Variants in SF3B1 observed in about 807,000 individuals in gnomAD.
SF3B1 encodes the protein splicing factor 3b subunit 1.
In SF3B1, 12 loss-of-function variants were observed where a neutral mutation model predicts 153.8. That is an observed-to-expected ratio of 0.08 (90% CI 0.05 to 0.13). The LOEUF (loss-of-function observed/expected upper bound fraction) is 0.13. SF3B1 is among the 10% of genes least tolerant of loss of function. The pLI, the probability that SF3B1 is intolerant of heterozygous loss-of-function variation, is 1.00. For missense variants in SF3B1, 513 were observed against 1,606.1 expected, an observed-to-expected ratio of 0.32 and a Z score of 11.63; for synonymous variants, 498 against 525.2, an observed-to-expected ratio of 0.95 and a Z score of 0.71.
chr2:197,433,086 G>A (rs1419141965), intron 1 of SF3B1, among the ~76,000 whole-genome samples: 2 of 152,162 alleles, frequency 1.3e-5, no homozygotes, highest in Non-Finnish European at 2.9e-5. Flanking sequence ...CTTAACAAGA[G>A]AAAACAGTGA....
At chr2:197,393,545 C>T (rs7583001) in intron 23 of SF3B1, among the ~76,000 whole-genome samples, 3,426 of 151,854 alleles carry the variant, frequency 0.023, 119 homozygotes, top group African/African-American at 0.08. Flanking sequence ...CTCTGCCTCC[C>T]AGGTTCAAGC....
chr2:197,424,665 G>A (rs879153966), intron 1 of SF3B1, among the ~76,000 whole-genome samples: 5 of 152,092 alleles, frequency 3.3e-5, no homozygotes, highest in Admixed American at 2.0e-4. Context: ...TTTAAATACA[G>A]ACTAGTCTTC....
chr2:197,426,636 A>G (rs1000470217), intron 1 of SF3B1, among the ~76,000 whole-genome samples: 1 of 152,172 alleles, frequency 6.6e-6, no homozygotes, highest in African/African-American at 2.4e-5. Flanking sequence ...ACCACCTACA[A>G]AGAAATGACC....
At chr2:197,434,654 C>T (rs1448920007) in intron 1 of SF3B1, among the ~76,000 whole-genome samples, 1 of 152,226 alleles carries the variant, frequency 6.6e-6, no homozygotes, top group Admixed American at 6.5e-5. Context: ...CTTCTCCCCA[C>T]GCCCGCTTCC....
At chr2:197,423,741 A>G in intron 2 of SF3B1, 67 bp downstream of exon 2, 4 of 1,514,072 alleles carry the variant, frequency 2.6e-6, no homozygotes, top group East Asian at 2.3e-5. Flanking sequence ...TGGCTGCAAC[A>G]AAAGTTATTC....
intron 1 of SF3B1, among the ~76,000 whole-genome samples, chr2:197,424,967 C>T (rs1314326937): frequency 6.6e-6 from 1 of 152,060 alleles, no homozygotes; most frequent in African/African-American, 2.4e-5. Context: ...CGAGACCAGC[C>T]TAGCCAAGAT....
chr2:197,417,575 T>TG (rs747669486), intron 5 of SF3B1, among the ~76,000 whole-genome samples: 2 of 99,828 alleles, frequency 2.0e-5, no homozygotes, highest in African/African-American at 7.9e-5. Flanking sequence ...CCACCTCTAC[T>TG]AAAAAAAAAA....
intron 20 of SF3B1, among the ~76,000 whole-genome samples, chr2:197,399,716 T>C (rs2084918236): frequency 6.6e-6 from 1 of 152,178 alleles, no homozygotes. Flanking sequence ...TAGGATTGCC[T>C]TTTCACCCCG....
At chr2:197,392,931 A>AG (rs746393206) in intron 24 of SF3B1, 41 bp downstream of exon 24, 20 of 1,253,380 alleles carry the variant, frequency 1.6e-5, no homozygotes, top group Non-Finnish European at 2.1e-5. Flanking sequence ...TATTATTTAA[A>AG]AAAAAAAAAT....
chr2:197,413,918 T>A (rs546840432), intron 6 of SF3B1, among the ~76,000 whole-genome samples: 2 of 152,194 alleles, frequency 1.3e-5, no homozygotes, highest in Non-Finnish European at 2.9e-5. Flanking sequence ...GTGATTCTCC[T>A]GCCTCAGCCT....
At chr2:197,425,391 G>A (rs1403133049) in intron 1 of SF3B1, among the ~76,000 whole-genome samples, 1 of 152,134 alleles carries the variant, frequency 6.6e-6, no homozygotes, top group Non-Finnish European at 1.5e-5. Flanking sequence ...ACATGAACCC[G>A]GAAGGTGGAG....
In SF3B1 at chr2:197,392,959, A is replaced by G. The variant is rs78290057; in HGVS notation, c.3756+13T>C. 139 of 1,507,786 alleles carry G rather than the reference A, an allele frequency of 9.2e-5. No individual in the cohort carries two copies. Among genetic ancestry groups the G allele is most frequent in the Middle Eastern group, 3.5e-4 (2 of 5,720 alleles). 93.4% of individuals were successfully genotyped at this position (1,507,786 alleles called of 1,614,324 possible). A position where few individuals can be genotyped will look rare whatever the true frequency, so the allele number is the denominator to read the frequency against. Reference sequence around the variant, plus strand: ...AAAAAAATCACCGATTAAAAAAAAAATCTTTAACTTACCTGTAAACAATAT... The same window carrying G: ...AAAAAAATCACCGATTAAAAAAAAAGTCTTTAACTTACCTGTAAACAATAT... On this transcript the variant is annotated intron_variant, in intron 24 of 24. Coordinates refer to ENST00000335508, the MANE Select transcript of SF3B1 (RefSeq NM_012433.4).
At position 197,390,479 on chromosome 2, in the gene SF3B1, A is replaced by G. The variant is rs2084797792; in HGVS notation, c.*1824T>C. ...CCGCTGAAAACTTCTAACAACAGAA[A>G]GATGAGTTTGGAGTGTTTAATTTTA... On this transcript the variant is annotated 3_prime_UTR_variant, in exon 25 of 25. Transcript: ENST00000335508. The G allele has an allele frequency of 6.6e-6, 1 of 152,254 alleles. No homozygotes were observed. The allele number at this position is 152,254 out of a possible 1,614,324, so 9.4% of individuals were successfully genotyped here.
Position 197,392,091 on chromosome 2 carries a change from T to C in SF3B1, c.*212A>G, listed in dbSNP as rs1222109367. On this transcript the variant is annotated 3_prime_UTR_variant, in exon 25 of 25. Coordinates refer to ENST00000335508, the MANE Select transcript of SF3B1 (RefSeq NM_012433.4). The stretch of plus-strand genomic sequence containing the variant: ...AATGAAATCCCTCCAGTATAGTGTA[T>C]ATAATCACTGTGTTCTTGGTCACTA... 2.8e-6 allele frequency: 1 copy of C among 363,594 alleles called. No homozygotes were observed. The highest frequency in any genetic ancestry group is 2.1e-5 in the African/African-American group (1 of 48,162). 22.5% of individuals were successfully genotyped at this position (363,594 alleles called of 1,614,324 possible).
intron 21 of SF3B1, 82 bp from the exon 22 acceptor site, chr2:197,398,198 C>A: frequency 8.9e-7 from 1 of 1,127,098 alleles, no homozygotes; most frequent in Non-Finnish European, 1.3e-6. Flanking sequence ...GTTCTAAAAA[C>A]ATGATTAACT....
intron 6 of SF3B1, among the ~76,000 whole-genome samples, chr2:197,410,622 C>A (rs1176548515): frequency 1.3e-5 from 2 of 150,922 alleles, no homozygotes; most frequent in African/African-American, 4.9e-5. Context: ...TCTCCAGCCT[C>A]AGCCTCCTGA....
rs147296622 is a variant in SF3B1 at position 197,419,294 on chromosome 2, T to C, written c.416-706A>G. On this transcript the variant is annotated intron_variant, in intron 4 of 24. Coordinates refer to ENST00000335508, the MANE Select transcript of SF3B1 (RefSeq NM_012433.4). ...TATGATGCACACAGAAGCAACGTGG[T>C]GTACAAAGAGATGTGTCAGTCTCTT... The C allele has an allele frequency of 3.2e-3, 953 of 296,316 alleles. 7 individuals carry two copies. The highest frequency in any genetic ancestry group is 0.018 in the African/African-American group (844 of 46,542). 18.4% of individuals were successfully genotyped at this position (296,316 alleles called of 1,614,324 possible). A position where few individuals can be genotyped will look rare whatever the true frequency, so the allele number is the denominator to read the frequency against.
At chr2:197,412,350 AT>A (rs879490529) in intron 6 of SF3B1, among the ~76,000 whole-genome samples, 4 of 148,284 alleles carry the variant, frequency 2.7e-5, no homozygotes, top group Non-Finnish European at 6.0e-5. Flanking sequence ...TAATTTATTT[AT>A]TTATTTATTT....
At position 197,401,678 on chromosome 2, in the gene SF3B1, CT is replaced by C. The variant is rs2084938769; in HGVS notation, c.2370+63del. 6.6e-6 allele frequency: 10 copies of C among 1,525,014 alleles called. No individual in the cohort carries two copies. In the South Asian group the frequency reaches 9.7e-5, roughly 15 times the overall value. 94.5% of individuals were successfully genotyped at this position (1,525,014 alleles called of 1,614,324 possible). ...TTTTTTTTGTTGATTTTTAAAAACACTTTAAAATTCTGTTAGAACCATGAAA... is the reference window on the plus strand; with the variant it reads ...TTTTTTTTGTTGATTTTTAAAAACACTTAAAATTCTGTTAGAACCATGAAA... On this transcript the variant is annotated intron_variant, in intron 16 of 24. Coordinates refer to ENST00000335508, the MANE Select transcript of SF3B1 (RefSeq NM_012433.4). This position sits in a 1 kb window ranked among gnomAD's most constrained non-coding sequence, Gnocchi z 4.2.
Sources: gnomAD v4.1 joint callset for allele counts (sites outside exome capture counted in the v4.1 genomes callset) on GRCh38, gnomAD v4.1.1 for gene constraint, Gnocchi (gnomAD v3.1) non-coding constraint, MANE v1.5 for transcripts, NCBI Gene and HGNC (gene_info 2026-07-23, HGNC 2026-07-21) for gene names.